The following EPHA7 variants were observed in gnomAD, a reference collection of about 807,000 sequenced individuals.
EPHA7 encodes the protein EPH receptor A7.
EPHA7 carries 25 observed loss-of-function variants against 112.6 expected under a neutral mutation model. That is an observed-to-expected ratio of 0.22 (90% CI 0.16 to 0.31). The LOEUF (loss-of-function observed/expected upper bound fraction) is 0.31. Ranked by LOEUF, EPHA7 falls within the 10% of genes least tolerant of loss-of-function variation. EPHA7 has a pLI of 1.00. For missense variants in EPHA7, 962 were observed against 1,212.6 expected (o/e 0.79, Z 3.07); for synonymous variants, 437 against 406.5 (o/e 1.07, Z -0.90).
intron 3 of EPHA7, among the ~76,000 whole-genome samples, chr6:93,382,239 G>T (rs1035729190): frequency 6.6e-5 from 10 of 152,112 alleles, no homozygotes; most frequent in Admixed American, 3.9e-4. Flanking sequence ...CAGGGTGGGG[G>T]CTGGGTAGAA....
At chr6:93,282,012 T>C (rs1053182811) in intron 5 of EPHA7, among the ~76,000 whole-genome samples, 6 of 152,070 alleles carry the variant, frequency 3.9e-5, no homozygotes, top group African/African-American at 1.4e-4. Context: ...TATATGTCAC[T>C]ATGTGCTTAA....
At chr6:93,419,126 G>A in intron 1 of EPHA7, 119 bp downstream of exon 1, 1 of 724,064 alleles carries the variant, frequency 1.4e-6, no homozygotes, top group East Asian at 3.3e-5. Flanking sequence ...CGGGGAGCCG[G>A]CGGGGGAGGG....
intron 3 of EPHA7, among the ~76,000 whole-genome samples, chr6:93,366,647 C>T (rs1298730131): frequency 1.3e-5 from 2 of 152,132 alleles, no homozygotes; most frequent in East Asian, 1.9e-4. Context: ...TGCATCCACA[C>T]GGCACCCCTG....
intron 3 of EPHA7, among the ~76,000 whole-genome samples, chr6:93,387,386 T>A (rs1391887589): frequency 2.6e-5 from 4 of 152,130 alleles, no homozygotes; most frequent in Admixed American, 6.5e-5. Flanking sequence ...GGCATTTCGG[T>A]CAAAGCCATT....
At chr6:93,280,762 A>G (rs574698808) in intron 5 of EPHA7, among the ~76,000 whole-genome samples, 2 of 152,290 alleles carry the variant, frequency 1.3e-5, no homozygotes, top group South Asian at 4.1e-4. Flanking sequence ...GAAATTAAAT[A>G]TATAAATAAA....
chr6:93,354,226 C>G (rs187682386), intron 5 of EPHA7, among the ~76,000 whole-genome samples: 2 of 152,074 alleles, frequency 1.3e-5, no homozygotes, highest in East Asian at 3.9e-4. Flanking sequence ...TCTCAAATCA[C>G]CCCCCTTTAG....
chr6:93,381,721 C>G (rs1215071528), intron 3 of EPHA7, among the ~76,000 whole-genome samples: 2 of 75,150 alleles, frequency 2.7e-5, no homozygotes, highest in Non-Finnish European at 5.4e-5. Flanking sequence ...AGATTTTTTT[C>G]TTTTTATTTC....
chr6:93,321,434 T>C, intron 5 of EPHA7, among the ~76,000 whole-genome samples: 1 of 151,924 alleles, frequency 6.6e-6, no homozygotes, highest in Non-Finnish European at 1.5e-5. Flanking sequence ...CAGAGTCTGT[T>C]TATCCTTGGA....
chr6:93,299,815 C>A (rs1445053901), intron 5 of EPHA7, among the ~76,000 whole-genome samples: 1 of 152,198 alleles, frequency 6.6e-6, no homozygotes, highest in African/African-American at 2.4e-5. Flanking sequence ...GAGATCACGT[C>A]TTTTGCAGGA....
chr6:93,302,525 T>C (rs1048229831), intron 5 of EPHA7, among the ~76,000 whole-genome samples: 4 of 152,208 alleles, frequency 2.6e-5, no homozygotes, highest in African/African-American at 9.6e-5. Flanking sequence ...GTACCTGGAC[T>C]GTTAGAATTC....
At position 93,364,344 on chromosome 6, in the gene EPHA7, C is replaced by A. The variant is rs181263667; in HGVS notation, c.833-5933G>T. Among the ~76,000 whole-genome samples, 75 of 151,926 alleles carry A rather than the reference C, an allele frequency of 4.9e-4. 1 individual carries two copies. Among genetic ancestry groups the A allele is most frequent in the African/African-American group, 1.7e-3 (72 of 41,456 alleles). ...TTTGAGACCACCCTGGCCAACATGA[C>A]GAAATCCTGTCTCTACTAAAAATAC... On this transcript the variant is annotated intron_variant, in intron 3 of 16. Coordinates refer to ENST00000369303, the MANE Select transcript of EPHA7 (RefSeq NM_004440.4).
chr6:93,307,761 G>A (rs868569102), intron 5 of EPHA7, among the ~76,000 whole-genome samples: 12 of 152,098 alleles, frequency 7.9e-5, no homozygotes, highest in African/African-American at 1.9e-4. Context: ...ATTCCCTAAT[G>A]AGTGGATAAA....
At chr6:93,254,940 A>T in intron 13 of EPHA7, 144 bp from the exon 14 acceptor site, 2 of 569,134 alleles carry the variant, frequency 3.5e-6, no homozygotes, top group South Asian at 6.1e-5. Context: ...TGCGTATTTA[A>T]AGTTATTTAT....
intron 5 of EPHA7, among the ~76,000 whole-genome samples, chr6:93,332,011 C>G (rs2127904070): frequency 6.6e-6 from 1 of 151,726 alleles, no homozygotes; most frequent in Middle Eastern, 3.4e-3. Context: ...AACTGCTACA[C>G]ACCTGACATT....
At chr6:93,345,084 T>C (rs914346415) in intron 5 of EPHA7, among the ~76,000 whole-genome samples, 1 of 151,684 alleles carries the variant, frequency 6.6e-6, no homozygotes, top group Non-Finnish European at 1.5e-5. Context: ...TCTATACATG[T>C]CTATACACAT....
intron 5 of EPHA7, among the ~76,000 whole-genome samples, chr6:93,320,149 T>G (rs1431478814): frequency 6.6e-6 from 1 of 152,042 alleles, no homozygotes; most frequent in East Asian, 1.9e-4. Flanking sequence ...CACTGATCCA[T>G]TTCATTGATT....
chr6:93,354,038 T>C (rs1178476309), intron 5 of EPHA7, among the ~76,000 whole-genome samples: 6 of 152,154 alleles, frequency 3.9e-5, no homozygotes, highest in African/African-American at 1.4e-4. Flanking sequence ...AACCCTTTTA[T>C]GCTAGGCATC....
chr6:93,320,741 T>G, intron 5 of EPHA7, among the ~76,000 whole-genome samples: 1 of 151,914 alleles, frequency 6.6e-6, no homozygotes, highest in East Asian at 1.9e-4. Context: ...AAAATATAAT[T>G]TGGAAAATTA....
chr6:93,408,575 TA>T (rs1778826916), intron 3 of EPHA7, among the ~76,000 whole-genome samples: 1 of 152,050 alleles, frequency 6.6e-6, no homozygotes, highest in Non-Finnish European at 1.5e-5. Context: ...TTCAGGGACA[TA>T]AAAGGAGACT....
Sources: gnomAD v4.1 joint callset for allele counts (sites outside exome capture counted in the v4.1 genomes callset) on GRCh38, gnomAD v4.1.1 for gene constraint, MANE v1.5 for transcripts, NCBI Gene and HGNC (gene_info 2026-07-23, HGNC 2026-07-21) for gene names.